SORL1-AS1: variants seen among roughly 807,000 people sequenced by gnomAD.
SORL1-AS1 encodes the protein SORL1 antisense RNA 1.
At chr11:121,442,920 C>T (rs1339584343), downstream of SORL1-AS1, among the ~76,000 whole-genome samples, 4 of 150,612 alleles carry the variant, frequency 2.7e-5, no homozygotes, top group African/African-American at 7.3e-5. Context: ...CCTCGTGATC[C>T]GTCCATCTCG....
At chr11:121,440,428 T>A in the SORL1-AS1 span, among the ~76,000 whole-genome samples, 6 of 152,182 alleles carry the variant, frequency 3.9e-5, no homozygotes, top group Non-Finnish European at 7.4e-5. Flanking sequence ...GAGGATGGCA[T>A]GCTGAGACTT....
the SORL1-AS1 span, among the ~76,000 whole-genome samples, chr11:121,438,827 A>G: frequency 1.3e-5 from 2 of 152,184 alleles, no homozygotes; most frequent in Non-Finnish European, 2.9e-5. Flanking sequence ...GGAGTTCGAG[A>G]GCAGCCTGGC....
chr11:121,452,681 A>C lies in SORL1-AS1; in HGVS notation n.333T>G. On this transcript the variant is annotated non_coding_transcript_exon_variant, in exon 1 of 2. Transcript: ENST00000501964. The surrounding 1 kb of genome is among the most constrained non-coding windows in gnomAD (Gnocchi z 5.3). ...TCTCCCTGCACTTCCTCACCCCCGC[A>C]TCCATCCGTTGCAGTCGCCTCCTAG... The C allele has an allele frequency of 7.4e-7, 1 of 1,342,404 alleles. No homozygotes were observed. The highest frequency in any genetic ancestry group is 9.6e-7 in the Non-Finnish European group (1 of 1,040,280). The allele number at this position is 1,342,404 out of a possible 1,614,324, so 83.2% of individuals were successfully genotyped here.
chr11:121,441,530 C>CAAAAAACAAAA, the SORL1-AS1 span, among the ~76,000 whole-genome samples: 1 of 52,390 alleles, frequency 1.9e-5, no homozygotes. Context: ...GACTCTGTCT[C>CAAAAAACAAAA]AAAAAAAAAA....
downstream of SORL1-AS1, among the ~76,000 whole-genome samples, chr11:121,446,615 A>G (rs945789764): frequency 4.6e-5 from 7 of 152,044 alleles, no homozygotes; most frequent in African/African-American, 1.4e-4. Context: ...GCCAGGTGTG[A>G]TGACACATGC....
downstream of SORL1-AS1, among the ~76,000 whole-genome samples, chr11:121,444,654 G>A (rs1422978233): frequency 6.6e-6 from 1 of 152,198 alleles, no homozygotes; most frequent in Admixed American, 6.5e-5. Flanking sequence ...GACAGGATCT[G>A]ACTTCAGTGG....
rs966792481 is a variant in SORL1-AS1 at position 121,452,331 on chromosome 11, C to T, written n.339+344G>A. On this transcript the variant is annotated intron_variant and non_coding_transcript_variant, in intron 1 of 1. Transcript: ENST00000501964. The surrounding 1 kb of genome is among the most constrained non-coding windows in gnomAD (Gnocchi z 5.3). ...CCACCTGCAGTAGCGTTCGCCCGAACATGGCGACACGGAGCAGCAGGAGGG... is the reference window on the plus strand; with the variant it reads ...CCACCTGCAGTAGCGTTCGCCCGAATATGGCGACACGGAGCAGCAGGAGGG... 1.3e-6 allele frequency: 2 copies of T among 1,537,346 alleles called. No homozygotes were observed. Among genetic ancestry groups the T allele is most frequent in the South Asian group, 2.4e-5 (2 of 82,314 alleles).
chr11:121,442,533 G>A (rs1860668147), downstream of SORL1-AS1, among the ~76,000 whole-genome samples: 1 of 151,648 alleles, frequency 6.6e-6, no homozygotes, highest in Non-Finnish European at 1.5e-5. Flanking sequence ...TACTCAGGAG[G>A]CTGAGGCAGG....
the SORL1-AS1 span, among the ~76,000 whole-genome samples, chr11:121,440,897 C>T: frequency 8.0e-3 from 1,225 of 152,278 alleles, 12 homozygotes; most frequent in African/African-American, 0.028. Context: ...CATAAAATTA[C>T]GACTAAATAC....
At chr11:121,441,550 AG>A in the SORL1-AS1 span, among the ~76,000 whole-genome samples, 2 of 150,442 alleles carry the variant, frequency 1.3e-5, no homozygotes, top group Non-Finnish European at 3.0e-5. Flanking sequence ...AAAAAAAAAA[AG>A]AATAAGGCCT....
At chr11:121,451,534 C>T (rs1419666643) in intron 1 of SORL1-AS1, among the ~76,000 whole-genome samples, 3 of 152,232 alleles carry the variant, frequency 2.0e-5, no homozygotes, top group Non-Finnish European at 4.4e-5. Flanking sequence ...TGCGTGCGTG[C>T]AAGCACACCC....
chr11:121,439,404 G>A, the SORL1-AS1 span, among the ~76,000 whole-genome samples: 1 of 151,502 alleles, frequency 6.6e-6, no homozygotes, highest in Non-Finnish European at 1.5e-5. Context: ...GAAGTCTTCT[G>A]CTTGTTTAAA....
At chr11:121,444,523 TCTAGTA>T (rs1409560192), downstream of SORL1-AS1, among the ~76,000 whole-genome samples, 1 of 152,204 alleles carries the variant, frequency 6.6e-6, no homozygotes, top group Non-Finnish European at 1.5e-5. Context: ...ACGTCACGCC[TCTAGTA>T]CTTTACACTG....
the SORL1-AS1 span, among the ~76,000 whole-genome samples, chr11:121,440,314 C>T: frequency 7.2e-5 from 11 of 152,172 alleles, no homozygotes; most frequent in African/African-American, 2.7e-4. Flanking sequence ...GCGGAGGTTA[C>T]GGTGAGCCGA....
At chr11:121,445,545 T>C (rs1860711340), downstream of SORL1-AS1, among the ~76,000 whole-genome samples, 1 of 152,084 alleles carries the variant, frequency 6.6e-6, no homozygotes, top group Non-Finnish European at 1.5e-5. Flanking sequence ...CCCACCTACC[T>C]GTTCCCACAC....
the SORL1-AS1 span, among the ~76,000 whole-genome samples, chr11:121,441,761 G>A: frequency 6.6e-6 from 1 of 152,078 alleles, no homozygotes; most frequent in South Asian, 2.1e-4. Flanking sequence ...TGAGACAGAA[G>A]GAGCCTGAAC....
At chr11:121,443,874 A>G (rs946458472), downstream of SORL1-AS1, among the ~76,000 whole-genome samples, 1 of 152,172 alleles carries the variant, frequency 6.6e-6, no homozygotes, top group Non-Finnish European at 1.5e-5. Flanking sequence ...CCTCCTCCAG[A>G]GCTGTTGAAT....
rs746340629 is a variant in SORL1-AS1 at position 121,452,562 on chromosome 11, C to T, written n.339+113G>A. 1.1e-5 allele frequency: 16 copies of T among 1,514,902 alleles called. No individual in the cohort carries two copies. The highest frequency in any genetic ancestry group is 3.5e-4 in the Middle Eastern group (2 of 5,780). 93.8% of individuals were successfully genotyped at this position (1,514,902 alleles called of 1,614,324 possible). A position where few individuals can be genotyped will look rare whatever the true frequency, so the allele number is the denominator to read the frequency against. On this transcript the variant is annotated intron_variant and non_coding_transcript_variant, in intron 1 of 1. Transcript: ENST00000501964. The surrounding 1 kb of genome is among the most constrained non-coding windows in gnomAD (Gnocchi z 5.3). The stretch of plus-strand genomic sequence containing the variant: ...CGAGCCGCGCGGACGAGAAGCCGCT[C>T]CGGAGGAAACGGAGCGCTGCCCTGC...
At chr11:121,449,727 T>C (rs879496341) in exon 2 of SORL1-AS1, 1 of 152,164 alleles carries the variant, frequency 6.6e-6, no homozygotes, top group East Asian at 1.9e-4. Flanking sequence ...TCCTGTGAGA[T>C]TGGTAGGGAT....
Sources: gnomAD v4.1 joint callset for allele counts (sites outside exome capture counted in the v4.1 genomes callset) on GRCh38, gnomAD v4.1.1 for gene constraint, Gnocchi (gnomAD v3.1) non-coding constraint, MANE v1.5 for transcripts, NCBI Gene and HGNC (gene_info 2026-07-23, HGNC 2026-07-21) for gene names.